The following NEGR1 variants were observed in gnomAD, a reference collection of about 807,000 sequenced individuals.
The protein encoded by NEGR1 is neuronal growth regulator 1, also known as IgLON family member 4.
In NEGR1, 10 loss-of-function variants were observed where a neutral mutation model predicts 40.9. The observed-to-expected ratio is 0.24, with a 90% CI of 0.15 to 0.42. The LOEUF is 0.42. Among genes scored for constraint, NEGR1 ranks in the 10% least tolerant of loss-of-function variants. The probability of loss-of-function intolerance (pLI) is 1.00; values close to 1 mark genes in which losing one functional copy is unlikely to be tolerated. For synonymous variants in NEGR1, 185 were observed against 166.8 expected (o/e 1.11, Z -0.84); for missense variants, 352 against 438.9 (o/e 0.80, Z 1.77).
At chr1:72,020,598 A>G (rs1418903447) in intron 1 of NEGR1, among the ~76,000 whole-genome samples, 1 of 144,944 alleles carries the variant, frequency 6.9e-6, no homozygotes, top group Non-Finnish European at 1.5e-5. Context: ...GTCAAACAAC[A>G]GAAAAAGATA....
intron 1 of NEGR1, among the ~76,000 whole-genome samples, chr1:71,988,587 AAGAC>A (rs962442877): frequency 6.6e-5 from 10 of 151,030 alleles, no homozygotes; most frequent in African/African-American, 2.4e-4. Flanking sequence ...GGAGAGAAAT[AAGAC>A]AGAAAATAGA....
rs56672219 is a variant in NEGR1 at position 71,583,121 on chromosome 1, A to AAAAT, written c.940+9692_940+9695dup. On this transcript the variant is annotated intron_variant, in intron 6 of 6. Transcript: ENST00000357731. ...ATAAGAGGAAGGGATACAGAAAGTA[A>AAAAT]AAATAAATAAATAAATAAATAAATA... is the stretch of plus-strand genomic sequence containing the variant. Among the ~76,000 whole-genome samples, 733 of 149,364 alleles carry AAAAT rather than the reference A, an allele frequency of 4.9e-3. 8 individuals carry two copies. Among genetic ancestry groups the AAAAT allele is most frequent in the African/African-American group, 0.017 (685 of 40,650 alleles).
chr1:71,997,634 C>T (rs1467753471), intron 1 of NEGR1, among the ~76,000 whole-genome samples: 1 of 151,878 alleles, frequency 6.6e-6, no homozygotes, highest in Non-Finnish European at 1.5e-5. Flanking sequence ...CCCTGAGAAT[C>T]TATTATAGTA....
chr1:71,786,275 T>G (rs1161759594), intron 2 of NEGR1, among the ~76,000 whole-genome samples: 1 of 152,164 alleles, frequency 6.6e-6, no homozygotes, highest in East Asian at 1.9e-4. Flanking sequence ...TATTTTATTT[T>G]TGTCTTTTTA....
chr1:71,835,731 A>G (rs1360888861), intron 2 of NEGR1, among the ~76,000 whole-genome samples: 1 of 152,110 alleles, frequency 6.6e-6, no homozygotes, highest in East Asian at 1.9e-4. Flanking sequence ...TCATGGTTAA[A>G]GAAACAGTCT....
intron 1 of NEGR1, among the ~76,000 whole-genome samples, chr1:72,097,569 G>A (rs1455822057): frequency 6.6e-6 from 1 of 152,096 alleles, no homozygotes; most frequent in East Asian, 1.9e-4. Context: ...TATAATCTGG[G>A]CCTTAAGTTC....
intron 1 of NEGR1, among the ~76,000 whole-genome samples, chr1:71,945,419 G>A (rs1017436177): frequency 6.6e-6 from 1 of 152,046 alleles, no homozygotes; most frequent in African/African-American, 2.4e-5. Context: ...AAAACCCTAT[G>A]TATAAAATAT....
intron 3 of NEGR1, among the ~76,000 whole-genome samples, chr1:71,766,513 A>G (rs1870524): frequency 0.75 from 113,614 of 152,194 alleles, 44,331 homozygotes; most frequent in East Asian, 0.86. Context: ...TAACACCTTT[A>G]TCAATTAATA....
intron 4 of NEGR1, among the ~76,000 whole-genome samples, chr1:71,666,368 G>A (rs1480411109): frequency 6.6e-6 from 1 of 152,148 alleles, no homozygotes; most frequent in Non-Finnish European, 1.5e-5. Flanking sequence ...GCCCTTGGTT[G>A]TAAATGTGTA....
chr1:72,029,534 A>G (rs12403024), intron 1 of NEGR1, among the ~76,000 whole-genome samples: 15,734 of 152,186 alleles, frequency 0.1, 900 homozygotes, highest in Middle Eastern at 0.18. Flanking sequence ...CCTGTAACGG[A>G]GTCATTTTGA....
At chr1:71,999,965 C>A (rs1646543194) in intron 1 of NEGR1, among the ~76,000 whole-genome samples, 1 of 151,582 alleles carries the variant, frequency 6.6e-6, no homozygotes, top group Admixed American at 6.6e-5. Flanking sequence ...AATAGTAATA[C>A]CCATATTTGA....
chr1:71,688,222 C>G lies in NEGR1; in HGVS notation c.667+9786G>C, dbSNP rs999380225. Among the ~76,000 whole-genome samples the G allele has an allele frequency of 4.7e-5, 7 of 148,014 alleles. 1 individual carries two copies. In the South Asian group the frequency reaches 1.5e-3, roughly 31 times the overall value. On this transcript the variant is annotated intron_variant, in intron 4 of 6. Coordinates refer to ENST00000357731, the MANE Select transcript of NEGR1 (RefSeq NM_173808.3). The stretch of plus-strand genomic sequence containing the variant: ...AAGTGACCCAGGTTGAATTTAAAGC[C>G]AGGGTGCCCAGCTACAGAGCCTGAC...
chr1:72,213,304 A>G (rs926232299), intron 1 of NEGR1, among the ~76,000 whole-genome samples: 5 of 151,906 alleles, frequency 3.3e-5, no homozygotes, highest in African/African-American at 1.2e-4. Flanking sequence ...GATTTTTGTA[A>G]AACTTTTGCA....
intron 1 of NEGR1, among the ~76,000 whole-genome samples, chr1:72,072,392 G>A (rs1177528807): frequency 1.3e-5 from 2 of 152,144 alleles, no homozygotes; most frequent in Admixed American, 6.6e-5. Context: ...TTTTTCTCAT[G>A]CCGGGGGACA....
At chr1:71,982,073 C>T (rs374867177) in intron 1 of NEGR1, among the ~76,000 whole-genome samples, 5 of 152,002 alleles carry the variant, frequency 3.3e-5, no homozygotes, top group Non-Finnish European at 5.9e-5. Flanking sequence ...TGTTACTATC[C>T]GGTTCTTTCA....
intron 1 of NEGR1, among the ~76,000 whole-genome samples, chr1:72,262,314 T>C (rs1266076167): frequency 2.6e-5 from 4 of 152,096 alleles, no homozygotes; most frequent in South Asian, 2.1e-4. Context: ...GCCTGAGTTC[T>C]GGAAGCCTTC....
intron 4 of NEGR1, among the ~76,000 whole-genome samples, chr1:71,641,222 T>A (rs12060036): frequency 0.037 from 5,590 of 152,172 alleles, 136 homozygotes; most frequent in African/African-American, 0.073. Flanking sequence ...TGCATCAGCT[T>A]TATAGACAGC....
At chr1:71,817,135 A>G (rs1448171081) in intron 2 of NEGR1, among the ~76,000 whole-genome samples, 1 of 152,026 alleles carries the variant, frequency 6.6e-6, no homozygotes, top group Non-Finnish European at 1.5e-5. Flanking sequence ...GAAGTTTACC[A>G]ATGGCTTCTG....
intron 6 of NEGR1, among the ~76,000 whole-genome samples, chr1:71,500,362 T>A (rs1646991194): frequency 6.6e-6 from 1 of 152,034 alleles, no homozygotes; most frequent in Non-Finnish European, 1.5e-5. Flanking sequence ...TTATTTTATC[T>A]TAGTCTGAAC....
Sources: allele counts gnomAD v4.1 joint callset (sites outside exome capture counted in the v4.1 genomes callset), GRCh38; gene constraint gnomAD v4.1.1; transcripts MANE v1.5; gene names NCBI Gene and HGNC (gene_info 2026-07-23, HGNC 2026-07-21).